Variants in RGSL1 observed in about 807,000 individuals in gnomAD.
RGSL1 encodes the protein regulator of G protein signaling like 1.
A neutral mutation model predicts 124.7 loss-of-function variants in RGSL1; 97 were observed. That is an observed-to-expected ratio of 0.78 (90% confidence interval 0.66 to 0.92). The LOEUF is 0.92. Ranked by LOEUF, RGSL1 falls within the 40% of genes least tolerant of loss-of-function variation. The probability of loss-of-function intolerance (pLI) is 0.00; values close to 1 mark genes in which losing one functional copy is unlikely to be tolerated. For missense variants in RGSL1, 1,233 were observed against 1,288.4 expected (o/e 0.96, Z 0.66); for synonymous variants, 424 against 438.1 (o/e 0.97, Z 0.40).
intron 11 of RGSL1, 29 bp from the exon 12 acceptor site, chr1:182,530,215 C>A: frequency 6.7e-7 from 1 of 1,488,916 alleles, no homozygotes; most frequent in Non-Finnish European, 9.1e-7. Context: ...ATGAGGATTA[C>A]AGCTTCTTTT....
At chr1:182,537,010 C>A (rs578302) in intron 14 of RGSL1, among the ~76,000 whole-genome samples, 126,913 of 151,844 alleles carry the variant, frequency 0.84, 53,531 homozygotes, top group Non-Finnish European at 0.89. Context: ...GTTGTCTTGG[C>A]CTTTATTGGG....
At position 182,473,988 on chromosome 1, in the gene RGSL1, C is replaced by T. The variant is rs1303762709; in HGVS notation, c.877C>T (p.Pro293Ser). The change falls in exon 6 of 22, where the codon CCT becomes TCT. Residue 293 changes from proline to serine, a missense_variant. Transcript: ENST00000294854. ...CPQEKVVIQM[P>S]SLKMASSKET... ...TCAAGAGAAGGTGGTTATACAAATG[C>T]CTTCCCTGAAAATGGCTTCTTCAAA... The T allele has an allele frequency of 1.3e-6, 2 of 1,551,884 alleles. No individual in the cohort carries two copies. Among genetic ancestry groups the T allele is most frequent in the South Asian group, 2.4e-5 (2 of 84,060 alleles).
chr1:182,488,525 A>G (rs1655264910), intron 7 of RGSL1, 178 bp downstream of exon 7: 1 of 614,466 alleles, frequency 1.6e-6, no homozygotes, highest in East Asian at 3.0e-5. Flanking sequence ...AAAAGGACTC[A>G]GTGCATAAGA....
At chr1:182,557,599 C>A (rs956576307) in intron 21 of RGSL1, among the ~76,000 whole-genome samples, 1 of 152,204 alleles carries the variant, frequency 6.6e-6, no homozygotes, top group African/African-American at 2.4e-5. Flanking sequence ...AAGAAAGGTA[C>A]TTTTCCTGAT....
intron 14 of RGSL1, among the ~76,000 whole-genome samples, chr1:182,538,011 C>T (rs960769438): frequency 2.0e-5 from 3 of 152,076 alleles, no homozygotes; most frequent in Non-Finnish European, 4.4e-5. Context: ...GTTTTCCCTC[C>T]CTGACTGTGG....
rs10572829 is a variant in RGSL1 at position 182,460,160 on chromosome 1, C to CTGTG, written c.301+49_301+52dup. ...TAAGCATTGGTGTGCATGCGTGTGT[C>CTGTG]TGTGTGTGTGTGTGTGTGTGTGTGT... On this transcript the variant is annotated intron_variant, in intron 4 of 21. Transcript: ENST00000294854. 6.4e-4 allele frequency: 914 copies of CTGTG among 1,430,274 alleles called. 5 individuals are homozygous for CTGTG. The East Asian group carries it at 0.012, about 19-fold the overall frequency. The allele number at this position is 1,430,274 out of a possible 1,614,324, so 88.6% of individuals were successfully genotyped here. A position where few individuals can be genotyped will look rare whatever the true frequency, so the allele number is the denominator to read the frequency against.
chr1:182,557,577 A>G (rs758913394), intron 21 of RGSL1, among the ~76,000 whole-genome samples: 38 of 152,206 alleles, frequency 2.5e-4, no homozygotes, highest in Non-Finnish European at 5.0e-4. Flanking sequence ...TAGATGGGCC[A>G]CACTTAAGGA....
chr1:182,500,603 C>T (rs943971042), intron 9 of RGSL1, among the ~76,000 whole-genome samples: 12 of 152,082 alleles, frequency 7.9e-5, no homozygotes, highest in African/African-American at 1.9e-4. Flanking sequence ...TGGGTAGCAT[C>T]GCCATATTCA....
intron 18 of RGSL1, among the ~76,000 whole-genome samples, chr1:182,552,614 CT>C (rs1372570632): frequency 2.6e-5 from 4 of 152,318 alleles, no homozygotes; most frequent in African/African-American, 9.6e-5. Context: ...CATCCCTGAT[CT>C]CATGTCTCAG....
At chr1:182,524,928 G>A (rs513553) in intron 10 of RGSL1, among the ~76,000 whole-genome samples, 131,550 of 152,178 alleles carry the variant, frequency 0.86, 57,183 homozygotes, top group Non-Finnish European at 0.89. Flanking sequence ...AAGAGAGACC[G>A]AAGAGGAACC....
chr1:182,452,500 TG>T (rs1651929504), intron 1 of RGSL1, among the ~76,000 whole-genome samples: 1 of 151,732 alleles, frequency 6.6e-6, no homozygotes, highest in Non-Finnish European at 1.5e-5. Flanking sequence ...TCACTCAGGC[TG>T]GAGTGCAGTG....
chr1:182,538,527 C>CAA (rs61393640), intron 14 of RGSL1, among the ~76,000 whole-genome samples: 17 of 134,400 alleles, frequency 1.3e-4, no homozygotes, highest in Non-Finnish European at 2.4e-4. Flanking sequence ...GACTCCCTCT[C>CAA]AAAAAAAAAA....
At chr1:182,497,174 T>A (rs1182436614) in intron 9 of RGSL1, among the ~76,000 whole-genome samples, 1 of 151,862 alleles carries the variant, frequency 6.6e-6, no homozygotes, top group Non-Finnish European at 1.5e-5. Flanking sequence ...CCATCCTACA[T>A]CAATGTGAAC....
At chr1:182,452,662 A>G (rs768404590) in intron 1 of RGSL1, among the ~76,000 whole-genome samples, 1 of 152,120 alleles carries the variant, frequency 6.6e-6, no homozygotes, top group African/African-American at 2.4e-5. Flanking sequence ...CATGTTGGTC[A>G]GCCTGGTCTT....
chr1:182,509,431 C>A (rs1431267928), intron 9 of RGSL1, among the ~76,000 whole-genome samples: 1 of 20,418 alleles, frequency 4.9e-5, no homozygotes. Context: ...GGCGGCTGGC[C>A]GGGCAGAGGG....
Position 182,489,161 on chromosome 1 carries a change from G to C in RGSL1, c.1676G>C (p.Gly559Ala), listed in dbSNP as rs781239220. The C allele has an allele frequency of 7.7e-6, 12 of 1,551,594 alleles. No individual in the cohort carries two copies. The highest frequency in any genetic ancestry group is 2.4e-5 in the South Asian group (2 of 84,064). ...GCTACTGAGGACCTGAAGCAAGGAG[G>C]CTCTCTCCAGGTAGAGCTGACATCT... ...KIATEDLKQG[G>A]SLQVELTSPV... The change falls in exon 8 of 22, where the codon GGC (glycine) becomes GCC (alanine). Residue 559 changes from glycine (G) to alanine (A), a missense_variant. Transcript: ENST00000294854.
At chr1:182,548,146 A>G (rs954927923) in intron 15 of RGSL1, among the ~76,000 whole-genome samples, 171 bp from the exon 16 acceptor site, 1 of 152,190 alleles carries the variant, frequency 6.6e-6, no homozygotes, top group African/African-American at 2.4e-5. Flanking sequence ...GACCTGTGAT[A>G]AGTGCTCAGT....
At position 182,532,886 on chromosome 1, in the gene RGSL1, C is replaced by T. The variant is rs948229354; in HGVS notation, c.2494+95C>T. On this transcript the variant is annotated intron_variant, in intron 14 of 21. Transcript: ENST00000294854. ...AGCTTATTGCTTTGTGTCATGCCTG[C>T]GGCAGCCTGGAGTCTAGCAAAAAAA... 69 of 1,358,142 alleles carry T rather than the reference C, an allele frequency of 5.1e-5. No homozygotes were observed. In the East Asian group the frequency reaches 9.9e-4, roughly 19 times the overall value. 84.1% of individuals were successfully genotyped at this position (1,358,142 alleles called of 1,614,324 possible). A position where few individuals can be genotyped will look rare whatever the true frequency, so the allele number is the denominator to read the frequency against.
chr1:182,520,130 C>T (rs534070824), intron 9 of RGSL1, among the ~76,000 whole-genome samples: 3 of 152,050 alleles, frequency 2.0e-5, no homozygotes, highest in Non-Finnish European at 2.9e-5. Context: ...CAATTTGAAC[C>T]TCCGGATGAA....
Sources: gnomAD v4.1 joint callset for allele counts (sites outside exome capture counted in the v4.1 genomes callset) on GRCh38, gnomAD v4.1.1 for gene constraint, MANE v1.5 for transcripts, NCBI Gene and HGNC (gene_info 2026-07-23, HGNC 2026-07-21) for gene names.